The following MEGF10 variants were observed in gnomAD, a reference collection of about 807,000 sequenced individuals.
MEGF10 encodes multiple EGF like domains 10.
A neutral mutation model predicts 147.5 loss-of-function variants in MEGF10; 86 were observed. The ratio of observed to expected loss-of-function variants is 0.58; its 90% CI spans 0.49 to 0.70. The LOEUF is 0.70. Ranked by LOEUF, MEGF10 falls within the 30% of genes least tolerant of loss-of-function variation. The pLI, the probability that MEGF10 is intolerant of heterozygous loss-of-function variation, is 0.00. For synonymous variants in MEGF10, 478 were observed against 525.5 expected (o/e 0.91, Z 1.24); for missense variants, 1,329 against 1,487.3 (o/e 0.89, Z 1.75).
intron 12 of MEGF10, among the ~76,000 whole-genome samples, chr5:127,421,012 T>G (rs1764979661): frequency 6.6e-6 from 1 of 152,178 alleles, no homozygotes; most frequent in South Asian, 2.1e-4. Flanking sequence ...CTCTCTGGGC[T>G]TCCTCCTCAT....
upstream of MEGF10, among the ~76,000 whole-genome samples, chr5:127,286,435 T>G (rs1197903889): frequency 1.3e-5 from 2 of 152,022 alleles, no homozygotes; most frequent in Non-Finnish European, 2.9e-5. Context: ...ATGTAAAACA[T>G]TATGTATCAA....
chr5:127,265,364 G>T, the MEGF10 span, among the ~76,000 whole-genome samples: 1 of 152,250 alleles, frequency 6.6e-6, no homozygotes, highest in South Asian at 2.1e-4. Context: ...ATTGTGAATA[G>T]TGCCACAATA....
intron 13 of MEGF10, among the ~76,000 whole-genome samples, chr5:127,429,585 G>A (rs1206831221): frequency 6.6e-6 from 1 of 152,182 alleles, no homozygotes; most frequent in East Asian, 1.9e-4. Context: ...CTCCCTCAGG[G>A]AGCTGCCAGA....
chr5:127,386,681 T>C (rs1439005863), intron 5 of MEGF10, among the ~76,000 whole-genome samples: 3 of 152,202 alleles, frequency 2.0e-5, no homozygotes, highest in Non-Finnish European at 4.4e-5. Flanking sequence ...GTTTTTGAAA[T>C]TTTACATTGT....
chr5:127,422,775 G>A lies in MEGF10; in HGVS notation c.1693+3G>A, dbSNP rs929654734. On this transcript the variant is annotated splice_donor_region_variant and intron_variant, in intron 13 of 24. Coordinates refer to ENST00000503335, the MANE Select transcript of MEGF10 (RefSeq NM_001256545.2). The stretch of plus-strand genomic sequence containing the variant: ...CCGCTGCCTCCCCGGATGGTCAGGT[G>A]AGAGCCAAGGACCGCTAATTGAAAG... 1 of 1,612,420 alleles carries A rather than the reference G, an allele frequency of 6.2e-7. No homozygotes were observed. Among genetic ancestry groups the A allele is most frequent in the East Asian group, 2.2e-5 (1 of 44,844 alleles).
chr5:127,393,678 T>C (rs1289964328), intron 5 of MEGF10, among the ~76,000 whole-genome samples: 1 of 152,226 alleles, frequency 6.6e-6, no homozygotes, highest in African/African-American at 2.4e-5. Flanking sequence ...GTCATCATGC[T>C]TGGACATAGC....
At chr5:127,266,447 A>G in the MEGF10 span, among the ~76,000 whole-genome samples, 1 of 152,168 alleles carries the variant, frequency 6.6e-6, no homozygotes, top group South Asian at 2.1e-4. Flanking sequence ...GTTTTTTCCA[A>G]TTCTTTGAAG....
At chr5:127,387,832 A>T (rs748602720) in intron 5 of MEGF10, among the ~76,000 whole-genome samples, 1 of 152,206 alleles carries the variant, frequency 6.6e-6, no homozygotes, top group Non-Finnish European at 1.5e-5. Context: ...TAGAAACTCA[A>T]TGTATCTTAG....
At chr5:127,374,769 A>G (rs751916152) in intron 5 of MEGF10, among the ~76,000 whole-genome samples, 17 of 152,206 alleles carry the variant, frequency 1.1e-4, no homozygotes, top group Non-Finnish European at 2.4e-4. Flanking sequence ...AAACATATGC[A>G]TATAACAAAC....
chr5:127,434,582 TA>T lies in MEGF10; in HGVS notation c.1841-103del, dbSNP rs1765493359. On this transcript the variant is annotated intron_variant, in intron 14 of 24. Coordinates refer to ENST00000503335, the MANE Select transcript of MEGF10 (RefSeq NM_001256545.2). ...TCTCCGTATCTTTTTTACTTTTTTTTAAGGTTTTGCTTTTTAACCTCTAAAA... is the reference window on the plus strand; with the variant it reads ...TCTCCGTATCTTTTTTACTTTTTTTTAGGTTTTGCTTTTTAACCTCTAAAA... The T allele has an allele frequency of 4.7e-6, 6 of 1,271,736 alleles. No homozygotes were observed. The East Asian group carries it at 1.3e-4, about 28-fold the overall frequency. The allele number at this position is 1,271,736 out of a possible 1,614,324, so 78.8% of individuals were successfully genotyped here.
chr5:127,314,615 A>G (rs928230435), intron 1 of MEGF10, among the ~76,000 whole-genome samples: 1 of 152,194 alleles, frequency 6.6e-6, no homozygotes, highest in African/African-American at 2.4e-5. Context: ...AAGTTGACAG[A>G]AAGCTTATGT....
chr5:127,365,385 T>G (rs1409176619), intron 4 of MEGF10, among the ~76,000 whole-genome samples: 2 of 152,184 alleles, frequency 1.3e-5, no homozygotes, highest in African/African-American at 4.8e-5. Context: ...GAAAAACTAT[T>G]GAGTATAGTT....
In MEGF10 at chr5:127,458,815, C is replaced by G. The variant is rs1766461122; in HGVS notation, c.*1497C>G. On this transcript the variant is annotated 3_prime_UTR_variant, in exon 25 of 25. Transcript: ENST00000503335. Reference sequence around the variant, plus strand: ...CCACAGACTCATCTTAAAAAAAACTCTCATTATGGTGATCATAGAATTGAC... The same window carrying G: ...CCACAGACTCATCTTAAAAAAAACTGTCATTATGGTGATCATAGAATTGAC... 1 of 152,118 alleles carries G rather than the reference C, an allele frequency of 6.6e-6. No individual in the cohort carries two copies. Among genetic ancestry groups the G allele is most frequent in the Non-Finnish European group, 1.5e-5 (1 of 68,024 alleles). 9.4% of individuals were successfully genotyped at this position (152,118 alleles called of 1,614,324 possible).
chr5:127,363,348 G>T (rs1489748846), intron 4 of MEGF10, among the ~76,000 whole-genome samples: 2 of 152,142 alleles, frequency 1.3e-5, no homozygotes, highest in Admixed American at 6.5e-5. Flanking sequence ...CTGGAAGTGG[G>T]TGGTTTATGG....
At chr5:127,295,843 A>G (rs1759472904) in intron 1 of MEGF10, among the ~76,000 whole-genome samples, 1 of 152,238 alleles carries the variant, frequency 6.6e-6, no homozygotes, top group Admixed American at 6.5e-5. Context: ...TTTAAGAATT[A>G]ATACAAGATT....
At chr5:127,233,575 A>G in the MEGF10 span, among the ~76,000 whole-genome samples, 1 of 152,232 alleles carries the variant, frequency 6.6e-6, no homozygotes, top group African/African-American at 2.4e-5. Context: ...ATCATCCTTC[A>G]TATGCTTAAC....
chr5:127,247,908 T>C, the MEGF10 span, among the ~76,000 whole-genome samples: 1 of 152,082 alleles, frequency 6.6e-6, no homozygotes, highest in Admixed American at 6.6e-5. Context: ...TAGATATTCT[T>C]CTTAGCTTTT....
chr5:127,245,846 A>G, the MEGF10 span, among the ~76,000 whole-genome samples: 11 of 151,718 alleles, frequency 7.3e-5, no homozygotes, highest in East Asian at 1.5e-3. Context: ...CAACAAACAT[A>G]TGAAAAAAAG....
At chr5:127,329,203 A>ATTTGT (rs1280175778) in intron 1 of MEGF10, among the ~76,000 whole-genome samples, 4 of 152,156 alleles carry the variant, frequency 2.6e-5, no homozygotes, top group African/African-American at 9.7e-5. Flanking sequence ...AATGTCAATA[A>ATTTGT]TTTGAATTAA....
Sources: gnomAD v4.1 joint callset for allele counts (sites outside exome capture counted in the v4.1 genomes callset) on GRCh38, gnomAD v4.1.1 for gene constraint, MANE v1.5 for transcripts, NCBI Gene and HGNC (gene_info 2026-07-23, HGNC 2026-07-21) for gene names.